The following CBFA2T3 variants were observed in gnomAD, a reference collection of about 807,000 sequenced individuals.
CBFA2T3 encodes the protein transcriptional corepressor CBFA2T3.
CBFA2T3 carries 31 observed loss-of-function variants against 58.6 expected under a neutral mutation model. The observed-to-expected ratio is 0.53, with a 90% CI of 0.40 to 0.71. The LOEUF is 0.71. Ranked by LOEUF, CBFA2T3 falls within the 30% of genes least tolerant of loss-of-function variation. The pLI, the probability that CBFA2T3 is intolerant of heterozygous loss-of-function variation, is 0.00. For synonymous variants in CBFA2T3, 531 were observed against 421.9 expected, an observed-to-expected ratio of 1.26 and a Z score of -3.17; for missense variants, 1,076 against 963.1, an observed-to-expected ratio of 1.12 and a Z score of -1.55.
intron 1 of CBFA2T3, among the ~76,000 whole-genome samples, chr16:88,959,725 C>T (rs1972314388): frequency 6.6e-6 from 1 of 152,130 alleles, no homozygotes; most frequent in Non-Finnish European, 1.5e-5. Flanking sequence ...TCTGGGATTA[C>T]AGGAGGAAAG....
intron 1 of CBFA2T3, among the ~76,000 whole-genome samples, chr16:88,908,335 C>A (rs1384389690): frequency 2.0e-5 from 3 of 149,298 alleles, no homozygotes; most frequent in African/African-American, 7.5e-5. Context: ...GAGCGAGACT[C>A]TGTTTCAAAA....
intron 1 of CBFA2T3, among the ~76,000 whole-genome samples, chr16:88,923,986 G>A (rs1010987753): frequency 3.9e-5 from 6 of 152,294 alleles, no homozygotes; most frequent in South Asian, 2.1e-4. Context: ...TGCACAGCCC[G>A]GCAAGGGTGC....
Position 88,879,438 on chromosome 16 carries a change from C to T in CBFA2T3, c.1494G>A (p.Lys498=). 6.2e-7 allele frequency: 1 copy of T among 1,612,230 alleles called. No homozygotes were observed. The highest frequency in any genetic ancestry group is 1.7e-5 in the Admixed American group (1 of 60,008). The change falls in exon 11 of 12, where the codon AAG becomes AAA. Residue 498 remains lysine, a synonymous_variant. Coordinates refer to ENST00000268679, the MANE Select transcript of CBFA2T3 (RefSeq NM_005187.6). ...RKAEEAVNEV[K]RQAMSELQKA... ...TCTGCAGCTCCGACATGGCCTGCCG[C>T]TTCACCTCATTCACGGCCTCTTCTG...
intron 1 of CBFA2T3, among the ~76,000 whole-genome samples, chr16:88,914,722 C>A: frequency 6.6e-6 from 1 of 152,330 alleles, no homozygotes; most frequent in South Asian, 2.1e-4. Context: ...TGGTCTTCTA[C>A]AGCACCCTGC....
At chr16:88,970,871 G>A (rs557741873) in intron 1 of CBFA2T3, among the ~76,000 whole-genome samples, 97 of 152,338 alleles carry the variant, frequency 6.4e-4, no homozygotes, top group African/African-American at 2.3e-3. Context: ...GTACGTAAGG[G>A]GGCAGCTGGT....
At chr16:88,881,031 T>C (rs1161736700) in intron 9 of CBFA2T3, 6 of 700,110 alleles carry the variant, frequency 8.6e-6, no homozygotes, top group East Asian at 2.7e-5. Flanking sequence ...GCCTCTCCTG[T>C]GTCAGCATTC....
chr16:88,941,877 T>C (rs1011271529), intron 1 of CBFA2T3: 1 of 20,784 alleles, frequency 4.8e-5, no homozygotes, highest in Non-Finnish European at 1.0e-4. Context: ...GGTGGGGAGG[T>C]GGGGAGTTGG....
At chr16:88,915,303 T>G (rs1013935550) in intron 1 of CBFA2T3, among the ~76,000 whole-genome samples, 35 of 127,012 alleles carry the variant, frequency 2.8e-4, no homozygotes, top group Non-Finnish European at 4.3e-4. Context: ...GGTGGCCTCC[T>G]GCTCTGGGTC....
intron 1 of CBFA2T3, among the ~76,000 whole-genome samples, chr16:88,908,798 C>T (rs1055138425): frequency 2.7e-4 from 41 of 152,250 alleles, no homozygotes; most frequent in Admixed American, 7.2e-4. Flanking sequence ...GGGCAGGTAA[C>T]GCAGGTGACC....
chr16:88,888,427 C>A (rs534535421), intron 5 of CBFA2T3, among the ~76,000 whole-genome samples: 1 of 85,084 alleles, frequency 1.2e-5, no homozygotes, highest in African/African-American at 5.1e-5. Flanking sequence ...GACTCCCCCA[C>A]TGCACTCTGT....
intron 1 of CBFA2T3, among the ~76,000 whole-genome samples, chr16:88,927,169 T>G (rs1209332589): frequency 6.6e-6 from 1 of 152,134 alleles, no homozygotes; most frequent in African/African-American, 2.4e-5. Context: ...AATCACTATT[T>G]GTCGAGGGAA....
chr16:88,901,658 T>C lies in CBFA2T3; in HGVS notation c.152-2A>G, dbSNP rs1473720791. 19 of 1,525,526 alleles carry C rather than the reference T, an allele frequency of 1.2e-5. 1 individual carries two copies. Among genetic ancestry groups the C allele is most frequent in the Non-Finnish European group, 1.5e-5 (17 of 1,149,058 alleles). The allele number at this position is 1,525,526 out of a possible 1,614,324, so 94.5% of individuals were successfully genotyped here. On this transcript the variant is annotated splice_acceptor_variant, in intron 1 of 11. Coordinates refer to ENST00000268679, the MANE Select transcript of CBFA2T3 (RefSeq NM_005187.6). LOFTEE classifies it high-confidence loss of function. Reference sequence around the variant, plus strand: ...CCTTAGCTTTCCTGTCCACTGGGGCTGCGACCAACGGAGAAAGAAAGAGTC... The same window carrying C: ...CCTTAGCTTTCCTGTCCACTGGGGCCGCGACCAACGGAGAAAGAAAGAGTC...
At position 88,905,302 on chromosome 16, in the gene CBFA2T3, C is replaced by T. The variant is rs1370669350; in HGVS notation, c.152-3646G>A. On this transcript the variant is annotated intron_variant, in intron 1 of 11. Transcript: ENST00000268679. ...TCCATGACACCCATCTCCCTGCTCT[C>T]CCCCAGTGCGGGGCTCAGGGCCATG... Among the ~76,000 whole-genome samples, 3 of 152,240 alleles carry T rather than the reference C, an allele frequency of 2.0e-5. No individual in the cohort carries two copies. The Middle Eastern group carries it at 0.01, about 518-fold the overall frequency.
intron 1 of CBFA2T3, among the ~76,000 whole-genome samples, chr16:88,925,568 C>T (rs551966222): frequency 2.6e-5 from 4 of 152,324 alleles, no homozygotes; most frequent in African/African-American, 7.2e-5. Context: ...CAGGCAGTCA[C>T]TTTGCAGTGG....
intron 1 of CBFA2T3, among the ~76,000 whole-genome samples, chr16:88,934,385 G>A (rs1971427109): frequency 6.6e-6 from 1 of 152,266 alleles, no homozygotes; most frequent in Admixed American, 6.5e-5. Flanking sequence ...TTGGGCTTCT[G>A]GGCATGAAAA....
intron 1 of CBFA2T3, chr16:88,939,177 G>C (rs535369245): frequency 8.3e-5 from 12 of 145,012 alleles, no homozygotes; most frequent in African/African-American, 2.9e-4. Context: ...GATAGCGGGC[G>C]GCAGGGGAAG....
chr16:88,880,607 G>A, intron 10 of CBFA2T3, 113 bp downstream of exon 10: 2 of 885,526 alleles, frequency 2.3e-6, no homozygotes, highest in Non-Finnish European at 1.8e-6. Context: ...AAGCCTTGTA[G>A]CCTGAGCCCC....
intron 1 of CBFA2T3, among the ~76,000 whole-genome samples, chr16:88,926,340 AC>A (rs1446750502): frequency 6.6e-6 from 1 of 151,868 alleles, no homozygotes; most frequent in African/African-American, 2.4e-5. Flanking sequence ...TCCTCAATCC[AC>A]CACTGAAGGC....
chr16:88,951,555 G>A (rs542413808), intron 1 of CBFA2T3: 4 of 364,682 alleles, frequency 1.1e-5, no homozygotes, highest in African/African-American at 2.1e-5. Context: ...GGTGGCGACC[G>A]GGTTGCTGCC....
Sources: allele counts gnomAD v4.1 joint callset (sites outside exome capture counted in the v4.1 genomes callset), GRCh38; gene constraint gnomAD v4.1.1; transcripts MANE v1.5; gene names NCBI Gene and HGNC (gene_info 2026-07-23, HGNC 2026-07-21).